ZNF335: variants seen among roughly 807,000 people sequenced by gnomAD.
The protein encoded by ZNF335 is NRC-interacting factor 1.
In ZNF335, 84 loss-of-function variants were observed where a neutral mutation model predicts 145.6. That is an observed-to-expected ratio of 0.58 (90% CI 0.48 to 0.69). The LOEUF (loss-of-function observed/expected upper bound fraction) is 0.69, where lower values mean the gene tolerates loss of function less well. Ranked by LOEUF, ZNF335 falls within the 30% of genes least tolerant of loss-of-function variation. ZNF335 has a pLI of 0.00. For missense variants in ZNF335, 1,865 were observed against 1,809.7 expected, an observed-to-expected ratio of 1.03 and a Z score of -0.55; for synonymous variants, 761 against 717.0, an observed-to-expected ratio of 1.06 and a Z score of -0.98.
intron 3 of ZNF335, among the ~76,000 whole-genome samples, 153 bp downstream of exon 3, chr20:45,969,298 C>G (rs368173268): frequency 6.8e-6 from 1 of 148,070 alleles, no homozygotes; most frequent in African/African-American, 2.5e-5. Flanking sequence ...CTCATTAAAT[C>G]CTCATTTACC....
At chr20:45,968,598 TGCCACAG>T in intron 3 of ZNF335, 1 of 448,548 alleles carries the variant, frequency 2.2e-6, no homozygotes, top group Non-Finnish European at 4.1e-6. Flanking sequence ...TTACACAAGA[TGCCACAG>T]CTACACCAGC....
chr20:45,969,753 G>T (rs760328177), intron 2 of ZNF335, 62 bp from the exon 3 acceptor site: 4 of 1,574,132 alleles, frequency 2.5e-6, no homozygotes, highest in Non-Finnish European at 2.6e-6. Flanking sequence ...AGGGCAGCCT[G>T]CCAGCTCCCA....
Position 45,972,120 on chromosome 20 carries a change from A to T in ZNF335, c.-51+2T>A, listed in dbSNP as rs1205199107. On this transcript the variant is annotated splice_donor_variant, in intron 1 of 27. Coordinates refer to ENST00000322927, the MANE Select transcript of ZNF335 (RefSeq NM_022095.4). LOFTEE classifies it low-confidence loss of function (5UTR_SPLICE). ...GGCCGCCTAACTCTACCCGAAGCTC[A>T]CCCGAGGCTTTCGTAGCCACGTTCC... is the stretch of plus-strand genomic sequence containing the variant. 7.8e-7 allele frequency: 1 copy of T among 1,288,866 alleles called. No individual in the cohort carries two copies. Among genetic ancestry groups the T allele is most frequent in the Non-Finnish European group, 1.0e-6 (1 of 988,564 alleles). The allele number at this position is 1,288,866 out of a possible 1,614,324, so 79.8% of individuals were successfully genotyped here.
chr20:45,949,874 C>T lies in ZNF335; in HGVS notation c.3595G>A (p.Glu1199Lys). 1 of 1,614,130 alleles carries T rather than the reference C, an allele frequency of 6.2e-7. No homozygotes were observed. The highest frequency in any genetic ancestry group is 8.5e-7 in the Non-Finnish European group (1 of 1,180,014). ...GTGATCTCTTGGATGTAGGCGGCTT[C>T]CTCCTGCCAGGACCAAGACAGCTCT... ...AQEQTVTNQE[E>K]AAYIQEITTA... The change falls in exon 24 of 28, where the codon GAA (glutamate) becomes AAA (lysine). Residue 1199 changes from glutamate (E) to lysine (K), a missense_variant. Glu to Lys is a moderately conservative substitution (Grantham distance 56). Coordinates refer to ENST00000322927, the MANE Select transcript of ZNF335 (RefSeq NM_022095.4).
intron 20 of ZNF335, among the ~76,000 whole-genome samples, chr20:45,951,473 GAC>G (rs2145357592): frequency 6.6e-6 from 1 of 152,350 alleles, no homozygotes; most frequent in Non-Finnish European, 1.5e-5. Context: ...TGGCACCAGG[GAC>G]TGGTTTTATG....
Position 45,948,995 on chromosome 20 carries a change from GTGC to G in ZNF335, c.3984_3986del (p.Gln1328del). ...TGATGACGTCGTACTCGATGCCCTG[GTGC>G]TGCAGCTGTTGAATGTGTTCGGGCA... On this transcript the variant is annotated inframe_deletion, in exon 28 of 28. Transcript: ENST00000322927. 1 of 1,613,954 alleles carries G rather than the reference GTGC, an allele frequency of 6.2e-7. No homozygotes were observed.
Position 45,952,415 on chromosome 20 carries a change from G to T in ZNF335, c.2921C>A (p.Pro974His). ...CGGLPRDGPEPPSPAKTHCVG... is the reference protein window; with the variant it reads ...CGGLPRDGPEHPSPAKTHCVG... ...GCAGTGGGTCTTGGCTGGAGATGGG[G>T]GCTCAGGGCCGTCTCTGGGCAGTCC... Residue 974 changes from proline to histidine, a missense_variant, in exon 20 of 28, where the codon CCC (proline) becomes CAC (histidine). Physicochemically the swap from Pro to His is moderately conservative, Grantham distance 77 (BLOSUM62 -2). Transcript: ENST00000322927. 1.3e-6 allele frequency: 2 copies of T among 1,581,072 alleles called. No individual in the cohort carries two copies. The highest frequency in any genetic ancestry group is 1.7e-6 in the Non-Finnish European group (2 of 1,160,310).
chr20:45,956,251 A>G (rs1270324766), intron 17 of ZNF335, among the ~76,000 whole-genome samples: 2 of 141,898 alleles, frequency 1.4e-5, no homozygotes, highest in Non-Finnish European at 3.1e-5. Context: ...TTTTTTTTAG[A>G]TGGAGTTTTG....
intron 2 of ZNF335, among the ~76,000 whole-genome samples, chr20:45,970,641 A>G (rs1031493994): frequency 6.6e-6 from 1 of 152,162 alleles, no homozygotes; most frequent in African/African-American, 2.4e-5. Flanking sequence ...GGAGCTCACA[A>G]TCAAGCACCC....
Position 45,953,862 on chromosome 20 carries a change from C to T in ZNF335, c.2529G>A (p.Val843=). Residue 843 remains valine (V), a synonymous_variant, in exon 18 of 28, where the codon GTG becomes GTA. Transcript: ENST00000322927. The stretch of plus-strand genomic sequence containing the variant: ...CTGGCTCTGCCACGTGGAGGGTGAC[C>T]ACCTGTGGAGTGGCACCTTCAGGGG... ...QPSPEGATPQ[V]VTLHVAEPGG... The T allele has an allele frequency of 1.2e-6, 2 of 1,613,964 alleles. No individual in the cohort carries two copies. Among genetic ancestry groups the T allele is most frequent in the South Asian group, 1.1e-5 (1 of 91,088 alleles).
chr20:45,969,419 A>T, intron 3 of ZNF335, 32 bp downstream of exon 3: 1 of 1,478,554 alleles, frequency 6.8e-7, no homozygotes, highest in Non-Finnish European at 9.0e-7. Flanking sequence ...CACTGCAGGA[A>T]AACCCCTGTG....
Position 45,950,520 on chromosome 20 carries a change from CCTT to C in ZNF335, c.3262_3264del (p.Lys1088del), listed in dbSNP as rs747158289. 4 of 1,614,198 alleles carry C rather than the reference CCTT, an allele frequency of 2.5e-6. No homozygotes were observed. Among genetic ancestry groups the C allele is most frequent in the East Asian group, 2.2e-5 (1 of 44,880 alleles). On this transcript the variant is annotated inframe_deletion, in exon 21 of 28. Transcript: ENST00000322927. Reference sequence around the variant, plus strand: ...TGAGTCAGCATGTGCCGACGCAGGTCCTTCTTGTTCTTGGAGGCAAAGCTGCAC... The same window carrying C: ...TGAGTCAGCATGTGCCGACGCAGGTCCTTGTTCTTGGAGGCAAAGCTGCAC...
intron 6 of ZNF335, among the ~76,000 whole-genome samples, chr20:45,966,125 C>T (rs1343410268): frequency 6.6e-6 from 1 of 152,132 alleles, no homozygotes; most frequent in Non-Finnish European, 1.5e-5. Flanking sequence ...AAACAGCTGC[C>T]ACCAGCCATA....
chr20:45,953,233 T>C (rs1185321279), intron 18 of ZNF335, among the ~76,000 whole-genome samples: 5 of 152,306 alleles, frequency 3.3e-5, no homozygotes, highest in Admixed American at 6.5e-5. Context: ...GCTCATTCAC[T>C]GTAGGGAAGC....
intron 9 of ZNF335, among the ~76,000 whole-genome samples, chr20:45,962,512 C>CACGAT (rs1333208653): frequency 3.3e-5 from 5 of 152,228 alleles, no homozygotes; most frequent in Admixed American, 1.3e-4. Flanking sequence ...TCTCCCACTG[C>CACGAT]GTCACGAGAC....
intron 6 of ZNF335, among the ~76,000 whole-genome samples, chr20:45,966,033 C>T (rs1323987877): frequency 1.3e-5 from 2 of 152,168 alleles, no homozygotes; most frequent in African/African-American, 4.8e-5. Flanking sequence ...AAAGGCAACC[C>T]TTCCTCCAGA....
rs559103264 is a variant in ZNF335 at position 45,964,138 on chromosome 20, G to A, written c.1103-148C>T. 11 of 964,516 alleles carry A rather than the reference G, an allele frequency of 1.1e-5. No individual in the cohort carries two copies. In the East Asian group the frequency reaches 2.0e-4, roughly 17 times the overall value. 59.7% of individuals were successfully genotyped at this position (964,516 alleles called of 1,614,324 possible). A position where few individuals can be genotyped will look rare whatever the true frequency, so the allele number is the denominator to read the frequency against. On this transcript the variant is annotated intron_variant, in intron 7 of 27. Coordinates refer to ENST00000322927, the MANE Select transcript of ZNF335 (RefSeq NM_022095.4). ...TTGAGTCACATGACACAGACAGCCT[G>A]TGGTTAGAGGGCAGCATGGATACTA... is the stretch of plus-strand genomic sequence containing the variant.
chr20:45,965,516 G>C, intron 7 of ZNF335, 112 bp downstream of exon 7: 1 of 1,337,952 alleles, frequency 7.5e-7, no homozygotes, highest in Non-Finnish European at 1.0e-6. Context: ...GACCCGGTTT[G>C]AGACAGCTGC....
chr20:45,968,448 G>A, intron 3 of ZNF335, 86 bp from the exon 4 acceptor site: 1 of 1,284,602 alleles, frequency 7.8e-7, no homozygotes, highest in Non-Finnish European at 1.1e-6. Flanking sequence ...TTTGGCCTGT[G>A]AGCAGGGCTG....
Sources: gnomAD v4.1 joint callset for allele counts (sites outside exome capture counted in the v4.1 genomes callset) on GRCh38, gnomAD v4.1.1 for gene constraint, MANE v1.5 for transcripts, NCBI Gene and HGNC (gene_info 2026-07-23, HGNC 2026-07-21) for gene names.